The following YAF2 variants were observed in gnomAD, a reference collection of about 807,000 sequenced individuals.
The protein encoded by YAF2 is YY1-associated factor 2.
In YAF2, 7 loss-of-function variants were observed where a neutral mutation model predicts 20.1. That is an observed-to-expected ratio of 0.35 (90% confidence interval 0.20 to 0.65). The LOEUF (loss-of-function observed/expected upper bound fraction) is 0.65, where lower values mean the gene tolerates loss of function less well. YAF2 is among the 30% of genes least tolerant of loss of function. The probability of loss-of-function intolerance (pLI) is 0.69; values close to 1 mark genes in which losing one functional copy is unlikely to be tolerated. For synonymous variants in YAF2, 74 were observed against 76.0 expected (o/e 0.97, Z 0.14); for missense variants, 151 against 219.2 (o/e 0.69, Z 1.96).
chr12:42,230,072 C>T (rs1253658994), intron 2 of YAF2, among the ~76,000 whole-genome samples: 1 of 152,104 alleles, frequency 6.6e-6, no homozygotes, highest in Non-Finnish European at 1.5e-5. Context: ...TCCTGGCCAA[C>T]ATGGTGAAAC....
intron 2 of YAF2, among the ~76,000 whole-genome samples, chr12:42,213,986 T>C (rs2067283095): frequency 6.6e-6 from 1 of 152,170 alleles, no homozygotes; most frequent in Non-Finnish European, 1.5e-5. Flanking sequence ...GCCCAACTAG[T>C]CTTTCTATTT....
chr12:42,237,280 A>T, intron 2 of YAF2: 1 of 490,908 alleles, frequency 2.0e-6, no homozygotes, highest in Non-Finnish European at 2.8e-6. Context: ...ACAACAATGC[A>T]GCCAACATTT....
In YAF2 at chr12:42,160,709, A is replaced by C. The variant is rs2065780602; in HGVS notation, c.423T>G (p.Ser141Arg). ...GACTGTGTTGATCTGCAGAAGCAGC[A>C]CTAGATGCAGGCGGTGACTTTGTTT... ...KEKTKSPPAS[S>R]AASADQHSQS... The change falls in exon 4 of 4, where the codon AGT becomes AGG. Residue 141 changes from serine (S) to arginine (R), a missense_variant. Transcript: ENST00000534854. The C allele has an allele frequency of 6.2e-7, 1 of 1,613,672 alleles. No homozygotes were observed.
At chr12:42,182,751 G>A (rs1432234963) in intron 2 of YAF2, among the ~76,000 whole-genome samples, 1 of 152,084 alleles carries the variant, frequency 6.6e-6, no homozygotes, top group African/African-American at 2.4e-5. Flanking sequence ...ATATAAACTG[G>A]CTATTGCAGG....
intron 2 of YAF2, among the ~76,000 whole-genome samples, chr12:42,206,940 A>C (rs574318399): frequency 1.3e-5 from 2 of 152,208 alleles, no homozygotes; most frequent in Admixed American, 1.3e-4. Flanking sequence ...CAGATTCAAA[A>C]TTGTTAACAT....
chr12:42,198,755 C>T (rs938257243), intron 2 of YAF2, among the ~76,000 whole-genome samples: 3 of 152,056 alleles, frequency 2.0e-5, no homozygotes, highest in South Asian at 2.1e-4. Context: ...TAAGAGCCCA[C>T]GAACAAGTGA....
chr12:42,169,501 C>A (rs534130924), intron 2 of YAF2, among the ~76,000 whole-genome samples: 3 of 151,952 alleles, frequency 2.0e-5, no homozygotes, highest in Non-Finnish European at 4.4e-5. Flanking sequence ...GCAGCCTCTG[C>A]CTCCTGGGCT....
intron 2 of YAF2, among the ~76,000 whole-genome samples, chr12:42,206,843 C>G (rs929979231): frequency 4.6e-5 from 7 of 152,076 alleles, no homozygotes; most frequent in Admixed American, 6.6e-5. Context: ...CAATAAAGTT[C>G]TCTTTAAAAC....
In YAF2 at chr12:42,227,367, C is replaced by T. The variant is rs1178465528; in HGVS notation, c.152+10232G>A. On this transcript the variant is annotated intron_variant, in intron 2 of 3. Coordinates refer to ENST00000534854, the MANE Select transcript of YAF2 (RefSeq NM_005748.6). ...CTGGAAAGTGAGGAGCGTCTCCGCC[C>T]GGCCGCCATCCCATCTAGGAAGTGA... is the stretch of plus-strand genomic sequence containing the variant. 1.3e-3 allele frequency among the ~76,000 whole-genome samples: 99 copies of T among 74,036 alleles called. 6 individuals carry two copies. In the Middle Eastern group the frequency reaches 0.03, roughly 23 times the overall value. 48.6% of individuals were successfully genotyped at this position (74,036 alleles called of 152,430 possible).
intron 2 of YAF2, among the ~76,000 whole-genome samples, chr12:42,198,540 C>G (rs148312018): frequency 6.6e-6 from 1 of 152,184 alleles, no homozygotes; most frequent in Non-Finnish European, 1.5e-5. Context: ...GAGCTGAGAT[C>G]GTACCACTGC....
At chr12:42,179,117 C>T (rs1259920225) in intron 2 of YAF2, among the ~76,000 whole-genome samples, 1 of 152,206 alleles carries the variant, frequency 6.6e-6, no homozygotes, top group Non-Finnish European at 1.5e-5. Flanking sequence ...TTTACTTAGA[C>T]TGGGATAGAG....
rs142990626 is a variant in YAF2, at chr12:42,205,917, T to TTTTG, written c.152+31681_152+31682insCAAA. The TTTTG allele has an allele frequency of 4.8e-3, 1,913 of 399,892 alleles. 32 individuals are homozygous for TTTTG. Among genetic ancestry groups the TTTTG allele is most frequent in the African/African-American group, 0.037 (1,768 of 47,736 alleles). The allele number at this position is 399,892 out of a possible 1,614,324, so 24.8% of individuals were successfully genotyped here. A position where few individuals can be genotyped will look rare whatever the true frequency, so the allele number is the denominator to read the frequency against. On this transcript the variant is annotated intron_variant, in intron 2 of 3. Coordinates refer to ENST00000534854, the MANE Select transcript of YAF2 (RefSeq NM_005748.6). ...AGTTCTAATTATTTTGTAATTTCCA[T>TTTTG]TTTTTTAATTCTTGAAAATTCTTAA...
At chr12:42,175,088 A>G (rs980996982) in intron 2 of YAF2, among the ~76,000 whole-genome samples, 9 of 152,218 alleles carry the variant, frequency 5.9e-5, no homozygotes, top group African/African-American at 2.2e-4. Flanking sequence ...GTTCATAGCA[A>G]CTTCATTTGT....
In YAF2 at chr12:42,228,153, G is replaced by T. The variant is rs866852617; in HGVS notation, c.152+9446C>A. Among the ~76,000 whole-genome samples, 238 of 82,082 alleles carry T rather than the reference G, an allele frequency of 2.9e-3. 10 individuals are homozygous for T. In the East Asian group the frequency reaches 0.041, roughly 14 times the overall value. 53.8% of individuals were successfully genotyped at this position (82,082 alleles called of 152,430 possible). The stretch of plus-strand genomic sequence containing the variant: ...CCCCGTCCGGGAGGGAGGTGGGGGG[G>T]GTCGGCCCCCCGCCCGGCCAGCCGC... On this transcript the variant is annotated intron_variant, in intron 2 of 3. Transcript: ENST00000534854.
rs185748545 is a variant in YAF2 at position 42,191,294 on chromosome 12, C to T, written c.153-29529G>A. On this transcript the variant is annotated intron_variant, in intron 2 of 3. Coordinates refer to ENST00000534854, the MANE Select transcript of YAF2 (RefSeq NM_005748.6). ...CCCTCTTTATATTAGAAACTATACC[C>T]TAGATTATCAGTGTCTCTTTTTCTC... Among the ~76,000 whole-genome samples, 309 of 152,242 alleles carry T rather than the reference C, an allele frequency of 2.0e-3. 1 individual carries two copies. Among genetic ancestry groups the T allele is most frequent in the Admixed American group, 6.7e-3 (102 of 15,282 alleles).
intron 2 of YAF2, among the ~76,000 whole-genome samples, chr12:42,207,035 G>A (rs1257327540): frequency 6.6e-6 from 1 of 151,118 alleles, no homozygotes; most frequent in Non-Finnish European, 1.5e-5. Flanking sequence ...TTTTTTTTCT[G>A]AACCCACTCC....
At chr12:42,234,450 C>G in intron 2 of YAF2, 2 of 979,470 alleles carry the variant, frequency 2.0e-6, no homozygotes, top group Non-Finnish European at 2.4e-6. Flanking sequence ...GAATCCCAAT[C>G]CCACCACTCT....
chr12:42,228,184 C>CTGGGAGGGAGGTGGGGGGGT (rs1241833705), intron 2 of YAF2, among the ~76,000 whole-genome samples: 23 of 96,194 alleles, frequency 2.4e-4, no homozygotes, highest in Non-Finnish European at 3.7e-4. Context: ...GCCGCCCCGT[C>CTGGGAGGGAGGTGGGGGGGT]CGGGAGGGAG....
intron 2 of YAF2, among the ~76,000 whole-genome samples, chr12:42,182,239 A>C (rs1180945446): frequency 1.3e-5 from 2 of 152,236 alleles, no homozygotes; most frequent in Admixed American, 6.5e-5. Flanking sequence ...ACGAGGAAGC[A>C]GAAGGCATGA....
Sources: gnomAD v4.1 joint callset for allele counts (sites outside exome capture counted in the v4.1 genomes callset) on GRCh38, gnomAD v4.1.1 for gene constraint, MANE v1.5 for transcripts, NCBI Gene and HGNC (gene_info 2026-07-23, HGNC 2026-07-21) for gene names.